SORCS2: variants seen among roughly 807,000 people sequenced by gnomAD.
The protein encoded by SORCS2 is sortilin related VPS10 domain containing receptor 2, also known as VPS10 domain-containing receptor SorCS2.
A neutral mutation model predicts 141.6 loss-of-function variants in SORCS2; 100 were observed. That is an observed-to-expected ratio of 0.71 (90% CI 0.60 to 0.83). SORCS2 has a LOEUF of 0.83. Among genes scored for constraint, SORCS2 ranks in the 40% least tolerant of loss-of-function variants. The probability of loss-of-function intolerance (pLI) is 0.00; values close to 1 mark genes in which losing one functional copy is unlikely to be tolerated. For synonymous variants in SORCS2, 789 were observed against 676.9 expected (o/e 1.17, Z -2.57); for missense variants, 1,646 against 1,560.2 (o/e 1.05, Z -0.93).
intron 2 of SORCS2, among the ~76,000 whole-genome samples, chr4:7,416,348 T>C (rs911014369): frequency 6.6e-6 from 1 of 152,152 alleles, no homozygotes; most frequent in Admixed American, 6.5e-5. Context: ...CTCCCCCTCC[T>C]TGCCCTCCAG....
chr4:7,386,288 A>G (rs1465104056), intron 1 of SORCS2, among the ~76,000 whole-genome samples: 3 of 84,102 alleles, frequency 3.6e-5, no homozygotes, highest in South Asian at 5.2e-4. Flanking sequence ...GCACATGCAC[A>G]CACATGCACA....
intron 1 of SORCS2, among the ~76,000 whole-genome samples, chr4:7,319,196 T>A (rs1422429010): frequency 6.6e-6 from 1 of 152,130 alleles, no homozygotes; most frequent in Non-Finnish European, 1.5e-5. Context: ...TTAACATGTC[T>A]TGTAATTTTT....
At chr4:7,195,897 G>A (rs1475196920) in intron 1 of SORCS2, among the ~76,000 whole-genome samples, 1 of 152,224 alleles carries the variant, frequency 6.6e-6, no homozygotes, top group African/African-American at 2.4e-5. Flanking sequence ...GCCGCCCTCT[G>A]CAGATGTGGT....
In SORCS2 at chr4:7,664,223, C is replaced by T. The variant is rs556285409; in HGVS notation, c.953-130C>T. 48 of 684,328 alleles carry T rather than the reference C, an allele frequency of 7.0e-5. No homozygotes were observed. The African/African-American group carries it at 7.9e-4, about 11-fold the overall frequency. 42.4% of individuals were successfully genotyped at this position (684,328 alleles called of 1,614,324 possible). A position where few individuals can be genotyped will look rare whatever the true frequency, so the allele number is the denominator to read the frequency against. Reference sequence around the variant, plus strand: ...TCAGCCGCAGGTGTCATCACGGTGGCCTTTAGAATTCAAGCCCATGAAGCC... The same window carrying T: ...TCAGCCGCAGGTGTCATCACGGTGGTCTTTAGAATTCAAGCCCATGAAGCC... On this transcript the variant is annotated intron_variant, in intron 6 of 26. Transcript: ENST00000507866. The surrounding 1 kb of genome is among the most constrained non-coding windows in gnomAD (Gnocchi z 4.7).
Position 7,742,405 on chromosome 4 carries a change from C to T in SORCS2, c.*2141C>T, listed in dbSNP as rs1339632650. ...TGCCCTCCCCCTTAGCTCACAGTGC[C>T]TGCGGTAGCCACTCTAGGTCGTTGG... On this transcript the variant is annotated 3_prime_UTR_variant, in exon 27 of 27. Transcript: ENST00000507866. 6.6e-6 allele frequency: 1 copy of T among 152,330 alleles called. No homozygotes were observed. Among genetic ancestry groups the T allele is most frequent in the Admixed American group, 6.5e-5 (1 of 15,290 alleles). The allele number at this position is 152,330 out of a possible 1,614,324, so 9.4% of individuals were successfully genotyped here. A position where few individuals can be genotyped will look rare whatever the true frequency, so the allele number is the denominator to read the frequency against.
At chr4:7,536,842 G>T (rs969759363) in intron 3 of SORCS2, among the ~76,000 whole-genome samples, 4 of 49,540 alleles carry the variant, frequency 8.1e-5, no homozygotes, top group East Asian at 2.5e-3. Flanking sequence ...TGGGGGGGGG[G>T]GGCGGGCAGG....
intron 3 of SORCS2, among the ~76,000 whole-genome samples, chr4:7,601,505 G>GCTA (rs566665500): frequency 2.4e-4 from 36 of 150,876 alleles, no homozygotes; most frequent in African/African-American, 8.5e-4. Flanking sequence ...CGTAGTCCCA[G>GCTA]CTACTCAGGA....
chr4:7,316,134 TATTCATCCATCC>T (rs974476805), intron 1 of SORCS2, among the ~76,000 whole-genome samples: 3 of 150,246 alleles, frequency 2.0e-5, no homozygotes, highest in Non-Finnish European at 4.4e-5. Flanking sequence ...TCCATTTATC[TATTCATCCATCC>T]ATTCATCCAT....
chr4:7,384,382 G>T lies in SORCS2; in HGVS notation c.481-11906G>T, dbSNP rs549924055. The stretch of plus-strand genomic sequence containing the variant: ...TTTTAATGAGACGGTGACGAGAAGT[G>T]GCAGGTTTTCTGGTCCAGGCATCTT... On this transcript the variant is annotated intron_variant, in intron 1 of 26. Coordinates refer to ENST00000507866, the MANE Select transcript of SORCS2 (RefSeq NM_020777.3). 2.0e-5 allele frequency among the ~76,000 whole-genome samples: 3 copies of T among 152,304 alleles called. No homozygotes were observed. In the South Asian group the frequency reaches 6.2e-4, roughly 32 times the overall value.
At chr4:7,502,797 G>A (rs1384634147) in intron 2 of SORCS2, among the ~76,000 whole-genome samples, 10 of 152,278 alleles carry the variant, frequency 6.6e-5, no homozygotes, top group Admixed American at 5.9e-4. Context: ...CAGGGAAGCC[G>A]GCCTTGCCCC....
intron 1 of SORCS2, among the ~76,000 whole-genome samples, chr4:7,237,951 G>A (rs1017351025): frequency 6.6e-6 from 1 of 152,162 alleles, no homozygotes; most frequent in Non-Finnish European, 1.5e-5. Context: ...CAAGGAGCAT[G>A]GTGCCAGAGT....
chr4:7,437,043 C>G (rs960987719), intron 2 of SORCS2, among the ~76,000 whole-genome samples: 13 of 152,158 alleles, frequency 8.5e-5, no homozygotes, highest in Admixed American at 5.9e-4. Context: ...ACACCAACGA[C>G]CGATTCTTAC....
intron 3 of SORCS2, among the ~76,000 whole-genome samples, chr4:7,561,977 A>G (rs1346939401): frequency 6.6e-6 from 1 of 152,158 alleles, no homozygotes; most frequent in African/African-American, 2.4e-5. Context: ...TTATCCATCT[A>G]CCCATCCGTC....
chr4:7,352,460 T>C (rs947784074), intron 1 of SORCS2, among the ~76,000 whole-genome samples: 1 of 152,198 alleles, frequency 6.6e-6, no homozygotes, highest in African/African-American at 2.4e-5. Flanking sequence ...TTTTGGAGCT[T>C]ACCCCTGCAT....
chr4:7,357,113 T>C lies in SORCS2; in HGVS notation c.481-39175T>C, dbSNP rs866979417. On this transcript the variant is annotated intron_variant, in intron 1 of 26. Transcript: ENST00000507866. ...CGGCCTGGGGTCCGGCTGGAGCTCTTGCTGGGCCCAGGTGGTGCAGCCACA... is the reference window on the plus strand; with the variant it reads ...CGGCCTGGGGTCCGGCTGGAGCTCTCGCTGGGCCCAGGTGGTGCAGCCACA... Among the ~76,000 whole-genome samples the C allele has an allele frequency of 5.9e-5, 9 of 152,268 alleles. No homozygotes were observed. The South Asian group carries it at 1.5e-3, about 25-fold the overall frequency.
intron 1 of SORCS2, among the ~76,000 whole-genome samples, chr4:7,206,216 C>A (rs1003655953): frequency 7.9e-5 from 12 of 152,220 alleles, no homozygotes; most frequent in Admixed American, 1.3e-4. Flanking sequence ...CCCAGGCCTC[C>A]TCTCTGGTCT....
At chr4:7,649,649 TG>T (rs1164015069) in intron 4 of SORCS2, among the ~76,000 whole-genome samples, 2 of 151,924 alleles carry the variant, frequency 1.3e-5, no homozygotes, top group Admixed American at 6.5e-5. Context: ...CCCTGGGCAC[TG>T]GGCTTGGAGG....
At chr4:7,656,595 G>A (rs1231511609) in intron 5 of SORCS2, among the ~76,000 whole-genome samples, 2 of 152,198 alleles carry the variant, frequency 1.3e-5, no homozygotes, top group Admixed American at 6.5e-5. Context: ...CCTGAGACTC[G>A]GTCCACCTCT....
At chr4:7,495,352 G>A (rs1219591174) in intron 2 of SORCS2, among the ~76,000 whole-genome samples, 9 of 152,216 alleles carry the variant, frequency 5.9e-5, no homozygotes, top group Non-Finnish European at 1.3e-4. Flanking sequence ...CCTTTTGAAG[G>A]TTCTGCTTAA....
Sources: gnomAD v4.1 joint callset for allele counts (sites outside exome capture counted in the v4.1 genomes callset) on GRCh38, gnomAD v4.1.1 for gene constraint, Gnocchi (gnomAD v3.1) non-coding constraint, MANE v1.5 for transcripts, NCBI Gene and HGNC (gene_info 2026-07-23, HGNC 2026-07-21) for gene names.